GLB1: variants seen among roughly 807,000 people sequenced by gnomAD.
GLB1 encodes galactosidase beta 1, also known as beta-galactosidase.
Under a neutral mutation model 74.0 loss-of-function variants are expected in GLB1, and 56 were observed. The ratio of observed to expected loss-of-function variants is 0.76; its 90% CI spans 0.61 to 0.94. GLB1 has a LOEUF of 0.94. Among genes scored for constraint, GLB1 ranks in the 40% least tolerant of loss-of-function variants. The probability of loss-of-function intolerance (pLI) is 0.00; values close to 1 mark genes in which losing one functional copy is unlikely to be tolerated. For missense variants in GLB1, 787 were observed against 845.5 expected, an observed-to-expected ratio of 0.93 and a Z score of 0.86; for synonymous variants, 323 against 323.6, an observed-to-expected ratio of 1.00 and a Z score of 0.02.
chr3:32,970,711 A>G, the GLB1 span, among the ~76,000 whole-genome samples: 1 of 152,164 alleles, frequency 6.6e-6, no homozygotes, highest in Non-Finnish European at 1.5e-5. Flanking sequence ...CCCGATGACA[A>G]CCAGTGGATT....
chr3:32,991,033 A>C, the GLB1 span, among the ~76,000 whole-genome samples: 1 of 152,098 alleles, frequency 6.6e-6, no homozygotes, highest in Admixed American at 6.6e-5. Context: ...AGTTGAAGTA[A>C]ATTGGACAGA....
intron 1 of GLB1, among the ~76,000 whole-genome samples, chr3:33,079,619 T>C (rs1001169193): frequency 3.9e-5 from 6 of 152,224 alleles, no homozygotes; most frequent in African/African-American, 1.4e-4. Flanking sequence ...TTATATTGTA[T>C]GTGTATTGTA....
chr3:32,989,642 A>G, the GLB1 span, among the ~76,000 whole-genome samples: 1 of 152,226 alleles, frequency 6.6e-6, no homozygotes, highest in African/African-American at 2.4e-5. Flanking sequence ...CTGATCTGTC[A>G]TGTCAGACAA....
chr3:33,071,477 G>C (rs1699885759), intron 2 of GLB1, among the ~76,000 whole-genome samples: 1 of 152,152 alleles, frequency 6.6e-6, no homozygotes, highest in Non-Finnish European at 1.5e-5. Flanking sequence ...GATAGCTATT[G>C]GGATAATTCT....
At chr3:33,096,489 T>C in intron 1 of GLB1, 1 of 975,470 alleles carries the variant, frequency 1.0e-6, no homozygotes, top group Non-Finnish European at 1.2e-6. Context: ...CGACGGGGAG[T>C]GGTGAGAAAG....
rs1201462499 is a variant in GLB1 at position 33,078,669 on chromosome 3, C to A, written c.76-5956G>T. 2.0e-5 allele frequency among the ~76,000 whole-genome samples: 3 copies of A among 152,080 alleles called. No homozygotes were observed. In the East Asian group the frequency reaches 5.8e-4, roughly 29 times the overall value. On this transcript the variant is annotated intron_variant, in intron 1 of 15. Transcript: ENST00000307363. ...GGAGTATTATTTGGAAATGAAAGAA[C>A]TTCAGAGGAATAATGGCCTAATGAT...
intron 1 of GLB1, among the ~76,000 whole-genome samples, chr3:33,087,774 T>C (rs1248385592): frequency 6.6e-6 from 1 of 152,014 alleles, no homozygotes; most frequent in Non-Finnish European, 1.5e-5. Context: ...ACCAATATTA[T>C]CCTAATACCA....
At chr3:33,025,463 TAG>T (rs1054906629) in intron 10 of GLB1, among the ~76,000 whole-genome samples, 2 of 152,218 alleles carry the variant, frequency 1.3e-5, no homozygotes, top group African/African-American at 4.8e-5. Context: ...GCTTTTCAAG[TAG>T]AGTGTACTGT....
chr3:33,092,196 C>A (rs1037537372), intron 1 of GLB1: 7 of 985,860 alleles, frequency 7.1e-6, no homozygotes, highest in Admixed American at 1.2e-4. Flanking sequence ...GGAGCACAGA[C>A]AGTTAAATAG....
chr3:33,052,138 G>GC, intron 7 of GLB1, 134 bp from the exon 8 acceptor site: 4 of 1,465,486 alleles, frequency 2.7e-6, no homozygotes, highest in Non-Finnish European at 9.2e-7. Context: ...ACCCAGAGAC[G>GC]CCCCCCAGTG....
chr3:33,018,285 C>CAAAAAAAAAAAAAAAAAAA (rs57833238), intron 13 of GLB1, among the ~76,000 whole-genome samples, 163 bp downstream of exon 13: 2 of 41,970 alleles, frequency 4.8e-5, no homozygotes, highest in Non-Finnish European at 7.5e-5. Flanking sequence ...AACCCTGTCT[C>CAAAAAAAAAAAAAAAAAAA]AAAAAAAAAA....
At chr3:33,073,986 T>C (rs1699989196) in intron 1 of GLB1, among the ~76,000 whole-genome samples, 2 of 146,176 alleles carry the variant, frequency 1.4e-5, no homozygotes, top group South Asian at 4.2e-4. Context: ...TTCATGCCAC[T>C]GCACTGCAGC....
At chr3:32,983,838 C>T in the GLB1 span, among the ~76,000 whole-genome samples, 1 of 151,310 alleles carries the variant, frequency 6.6e-6, no homozygotes. Context: ...CACTACCAAG[C>T]ACAGCTAATT....
At chr3:32,964,051 A>G in the GLB1 span, among the ~76,000 whole-genome samples, 1 of 152,192 alleles carries the variant, frequency 6.6e-6, no homozygotes, top group Non-Finnish European at 1.5e-5. Context: ...CCTGAGGATG[A>G]ATAACTGAGT....
rs1428536590 is a variant in GLB1, at chr3:33,053,516, C to T, written c.767G>A (p.Arg256Lys). The T allele has an allele frequency of 6.2e-7, 1 of 1,614,178 alleles. No individual in the cohort carries two copies. Among genetic ancestry groups the T allele is most frequent in the Non-Finnish European group, 8.5e-7 (1 of 1,180,020 alleles). Residue 256 changes from arginine (R) to lysine (K), a missense_variant, in exon 7 of 16, where the codon AGG (arginine) becomes AAG (lysine). Arg to Lys is a conservative substitution (Grantham distance 26, BLOSUM62 2). Coordinates refer to ENST00000307363, the MANE Select transcript of GLB1 (RefSeq NM_000404.4). ...CAAGGGTCCTTTGGGCTCACACTTC[C>T]TCTGGCTTAGGAAAGCATCTGTGAT... is the stretch of plus-strand genomic sequence containing the variant. ...SNITDAFLSQ[R>K]KCEPKGPLIN...
chr3:32,996,815 G>C lies in GLB1; in HGVS notation c.*230C>G. ...TACCACCTTTAAAGCTTCCATTCCA[G>C]CCCTGCAGATATGTATGCACGTTAC... On this transcript the variant is annotated 3_prime_UTR_variant, in exon 16 of 16. Coordinates refer to ENST00000307363, the MANE Select transcript of GLB1 (RefSeq NM_000404.4). 1.6e-6 allele frequency: 1 copy of C among 639,788 alleles called. No individual in the cohort carries two copies. Among genetic ancestry groups the C allele is most frequent in the Non-Finnish European group, 2.6e-6 (1 of 383,496 alleles). The allele number at this position is 639,788 out of a possible 1,614,324, so 39.6% of individuals were successfully genotyped here.
intron 10 of GLB1, among the ~76,000 whole-genome samples, chr3:33,044,619 C>A (rs995310737): frequency 6.6e-6 from 1 of 151,956 alleles, no homozygotes; most frequent in Non-Finnish European, 1.5e-5. Context: ...AACATTTTAA[C>A]AATACATTTG....
intron 1 of GLB1, among the ~76,000 whole-genome samples, chr3:33,081,332 T>C (rs975333087): frequency 6.6e-6 from 1 of 152,194 alleles, no homozygotes; most frequent in African/African-American, 2.4e-5. Context: ...TATTCTCCCA[T>C]GACCTATATT....
chr3:32,961,366 A>G, the GLB1 span, among the ~76,000 whole-genome samples: 1 of 152,224 alleles, frequency 6.6e-6, no homozygotes, highest in Non-Finnish European at 1.5e-5. Flanking sequence ...GAGATGGAGC[A>G]GGGACAGACG....
Sources: gnomAD v4.1 joint callset for allele counts (sites outside exome capture counted in the v4.1 genomes callset) on GRCh38, gnomAD v4.1.1 for gene constraint, MANE v1.5 for transcripts, NCBI Gene and HGNC (gene_info 2026-07-23, HGNC 2026-07-21) for gene names.